The following KIAA1217 variants were observed in gnomAD, a reference collection of about 807,000 sequenced individuals.
KIAA1217 encodes sickle tail protein homolog.
Under a neutral mutation model 163.9 loss-of-function variants are expected in KIAA1217, and 88 were observed. That is an observed-to-expected ratio of 0.54 (90% CI 0.45 to 0.64). The LOEUF (loss-of-function observed/expected upper bound fraction) is 0.64, where lower values mean the gene tolerates loss of function less well. Among genes scored for constraint, KIAA1217 ranks in the 30% least tolerant of loss-of-function variants. The probability of loss-of-function intolerance (pLI) is 0.00; values close to 1 mark genes in which losing one functional copy is unlikely to be tolerated. For synonymous variants in KIAA1217, 903 were observed against 923.1 expected (o/e 0.98, Z 0.39); for missense variants, 2,372 against 2,475.0 (o/e 0.96, Z 0.88).
chr10:23,888,717 A>G (rs552602908), intron 1 of KIAA1217, among the ~76,000 whole-genome samples: 1 of 152,020 alleles, frequency 6.6e-6, no homozygotes, highest in East Asian at 2.0e-4. Flanking sequence ...GAAAAATTTT[A>G]ATGAACTTTT....
chr10:24,491,193 T>C (rs2066074236), intron 6 of KIAA1217, among the ~76,000 whole-genome samples: 2 of 147,358 alleles, frequency 1.4e-5, no homozygotes, highest in South Asian at 4.3e-4. Context: ...TGTTGTGACA[T>C]TCTATAGTTC....
intron 6 of KIAA1217, 60 bp downstream of exon 6, chr10:24,474,120 C>A: frequency 7.8e-7 from 1 of 1,281,112 alleles, no homozygotes; most frequent in South Asian, 1.4e-5. Context: ...CTGTGGGCAG[C>A]TCTACAGGGG....
chr10:24,242,739 T>C (rs762184051), intron 2 of KIAA1217, among the ~76,000 whole-genome samples: 3 of 152,192 alleles, frequency 2.0e-5, no homozygotes, highest in Non-Finnish European at 4.4e-5. Context: ...CTCCACAGCC[T>C]CACCAGCATG....
intron 1 of KIAA1217, among the ~76,000 whole-genome samples, chr10:23,954,268 A>G (rs991527745): frequency 8.5e-5 from 13 of 152,134 alleles, no homozygotes; most frequent in African/African-American, 2.7e-4. Flanking sequence ...TAGAGCCTCA[A>G]TGAAAGGGAA....
chr10:24,130,098 C>T (rs763142284), intron 2 of KIAA1217, among the ~76,000 whole-genome samples: 26 of 152,072 alleles, frequency 1.7e-4, no homozygotes, highest in Middle Eastern at 6.8e-3. Flanking sequence ...CACATCCTTT[C>T]CTCCTTCAGT....
chr10:24,494,917 C>T (rs2066596369), intron 7 of KIAA1217: 3 of 582,424 alleles, frequency 5.2e-6, no homozygotes, highest in African/African-American at 1.9e-5. Flanking sequence ...GTCCACGTCG[C>T]CATCATCTGA....
chr10:23,853,803 G>A (rs1839493738), intron 1 of KIAA1217, among the ~76,000 whole-genome samples: 1 of 152,146 alleles, frequency 6.6e-6, no homozygotes, highest in African/African-American at 2.4e-5. Context: ...TATTTGCGTA[G>A]AGGTGTTTAT....
intron 2 of KIAA1217, among the ~76,000 whole-genome samples, chr10:24,241,017 T>C (rs1479747633): frequency 6.6e-6 from 1 of 152,130 alleles, no homozygotes; most frequent in Non-Finnish European, 1.5e-5. Flanking sequence ...GGCTAATTTT[T>C]TGTATTTTTG....
At chr10:24,438,540 T>C in intron 5 of KIAA1217, 61 bp downstream of exon 5, 1 of 1,104,746 alleles carries the variant, frequency 9.1e-7, no homozygotes, top group Non-Finnish European at 1.4e-6. Context: ...CTCCTCTTGC[T>C]TGTACTCCTG....
At chr10:23,750,333 A>G (rs1046189607) in intron 1 of KIAA1217, among the ~76,000 whole-genome samples, 8 of 152,168 alleles carry the variant, frequency 5.3e-5, no homozygotes, top group African/African-American at 1.9e-4. Context: ...TTCTGCTTCA[A>G]CTCTTGCTGT....
chr10:24,468,402 C>A (rs2063168900), intron 5 of KIAA1217, among the ~76,000 whole-genome samples: 2 of 152,148 alleles, frequency 1.3e-5, no homozygotes, highest in Non-Finnish European at 2.9e-5. Flanking sequence ...GATCCTGGTT[C>A]TTTTTAAAAC....
intron 2 of KIAA1217, among the ~76,000 whole-genome samples, chr10:24,063,313 T>C (rs2060806476): frequency 6.6e-6 from 1 of 152,214 alleles, no homozygotes; most frequent in Non-Finnish European, 1.5e-5. Flanking sequence ...AATTAATTTT[T>C]GTATAAGGTG....
At chr10:24,387,450 C>T (rs1255843430) in intron 3 of KIAA1217, among the ~76,000 whole-genome samples, 2 of 152,186 alleles carry the variant, frequency 1.3e-5, no homozygotes, top group Non-Finnish European at 2.9e-5. Flanking sequence ...CAATATCATA[C>T]TGAATGGGCA....
intron 2 of KIAA1217, among the ~76,000 whole-genome samples, chr10:24,059,995 C>G (rs2060661375): frequency 2.0e-5 from 3 of 152,134 alleles, no homozygotes; most frequent in African/African-American, 7.2e-5. Context: ...TCATAGTAGT[C>G]CCTTATGATC....
At chr10:23,956,773 A>C (rs946733243) in intron 1 of KIAA1217, among the ~76,000 whole-genome samples, 3 of 152,288 alleles carry the variant, frequency 2.0e-5, no homozygotes, top group East Asian at 3.9e-4. Flanking sequence ...TGGGAGCAAG[A>C]GAGTGATTTG....
chr10:24,415,678 A>G (rs1029352371), intron 3 of KIAA1217, among the ~76,000 whole-genome samples: 1 of 151,894 alleles, frequency 6.6e-6, no homozygotes, highest in African/African-American at 2.4e-5. Context: ...ACTCTTGCAC[A>G]CTCACACACA....
intron 3 of KIAA1217, among the ~76,000 whole-genome samples, chr10:24,382,791 T>C (rs563860169): frequency 2.6e-5 from 4 of 151,600 alleles, no homozygotes; most frequent in Admixed American, 2.6e-4. Context: ...TTCCACACCG[T>C]CACCAGGCTG....
At chr10:23,803,260 C>T (rs1305163935) in intron 1 of KIAA1217, among the ~76,000 whole-genome samples, 2 of 152,230 alleles carry the variant, frequency 1.3e-5, no homozygotes, top group East Asian at 1.9e-4. Flanking sequence ...GTGCCCAGCT[C>T]ATGCCACCTT....
Position 23,776,554 on chromosome 10 carries a change from TAATATA to T in KIAA1217, c.-321+81326_-321+81331del, listed in dbSNP as rs1835015604. ...ATCTAAGGCTATAATCTCAATAAAATAATATAAATATTAATGAAATCTAAAATTAAT... is the reference window on the plus strand; with the variant it reads ...ATCTAAGGCTATAATCTCAATAAAATAATATTAATGAAATCTAAAATTAAT... On this transcript the variant is annotated intron_variant, in intron 1 of 18. Coordinates refer to the KIAA1217 transcript ENST00000376462. 2.6e-5 allele frequency among the ~76,000 whole-genome samples: 4 copies of T among 151,296 alleles called. No individual in the cohort carries two copies. In the South Asian group the frequency reaches 8.3e-4, roughly 31 times the overall value.
Sources: allele counts gnomAD v4.1 joint callset (sites outside exome capture counted in the v4.1 genomes callset), GRCh38; gene constraint gnomAD v4.1.1; transcripts MANE v1.5; gene names NCBI Gene and HGNC (gene_info 2026-07-23, HGNC 2026-07-21).